The following NELL1 variants were observed in gnomAD, a reference collection of about 807,000 sequenced individuals.
The protein encoded by NELL1 is neural EGFL like 1.
In NELL1, 76 loss-of-function variants were observed where a neutral mutation model predicts 107.4. The ratio of observed to expected loss-of-function variants is 0.71; its 90% CI spans 0.59 to 0.86. The LOEUF (loss-of-function observed/expected upper bound fraction) is 0.86, where lower values mean the gene tolerates loss of function less well. Among genes scored for constraint, NELL1 ranks in the 40% least tolerant of loss-of-function variants. The probability of loss-of-function intolerance (pLI) is 0.00; values close to 1 mark genes in which losing one functional copy is unlikely to be tolerated. For synonymous variants in NELL1, 353 were observed against 341.2 expected, an observed-to-expected ratio of 1.03 and a Z score of -0.38; for missense variants, 1,024 against 1,005.5, an observed-to-expected ratio of 1.02 and a Z score of -0.25.
At chr11:21,463,897 C>T (rs1027429271) in intron 15 of NELL1, among the ~76,000 whole-genome samples, 3 of 152,054 alleles carry the variant, frequency 2.0e-5, no homozygotes, top group Admixed American at 1.3e-4. Context: ...CTGGAATCCT[C>T]GGAAGACTTT....
At chr11:21,569,051 A>G (rs985004431) in intron 17 of NELL1, among the ~76,000 whole-genome samples, 2 of 151,832 alleles carry the variant, frequency 1.3e-5, no homozygotes, top group Non-Finnish European at 2.9e-5. Context: ...TTATACAGGC[A>G]TCATTACAAA....
chr11:21,435,562 A>G (rs1163306646), intron 15 of NELL1, among the ~76,000 whole-genome samples: 1 of 150,160 alleles, frequency 6.7e-6, no homozygotes, highest in Non-Finnish European at 1.5e-5. Flanking sequence ...GTATGAATTG[A>G]GATGATTATA....
At chr11:21,185,366 C>T (rs962474916) in intron 13 of NELL1, among the ~76,000 whole-genome samples, 3 of 145,252 alleles carry the variant, frequency 2.1e-5, no homozygotes, top group South Asian at 2.2e-4. Flanking sequence ...TGCATCTCAG[C>T]TCACTGCAAC....
intron 13 of NELL1, among the ~76,000 whole-genome samples, chr11:21,214,419 A>G (rs182228753): frequency 9.6e-4 from 146 of 152,314 alleles, no homozygotes; most frequent in Non-Finnish European, 1.6e-3. Context: ...TAAAGTGTAG[A>G]TACAGATGGC....
chr11:21,551,686 G>A (rs1856589999), intron 16 of NELL1, among the ~76,000 whole-genome samples: 2 of 151,524 alleles, frequency 1.3e-5, no homozygotes, highest in East Asian at 3.9e-4. Flanking sequence ...TACACTGTTG[G>A]TGGGACTGTA....
intron 2 of NELL1, among the ~76,000 whole-genome samples, chr11:20,732,776 G>A (rs1316032656): frequency 6.6e-6 from 1 of 152,196 alleles, no homozygotes; most frequent in Non-Finnish European, 1.5e-5. Flanking sequence ...GCTGTACAAA[G>A]TTTTAAGTAC....
intron 13 of NELL1, among the ~76,000 whole-genome samples, chr11:21,154,448 C>T (rs757407864): frequency 4.6e-5 from 7 of 152,108 alleles, no homozygotes; most frequent in Admixed American, 1.3e-4. Context: ...ATCCATTAAA[C>T]ATTTATTAAT....
intron 3 of NELL1, among the ~76,000 whole-genome samples, chr11:20,829,961 G>A (rs1857971442): frequency 6.6e-6 from 1 of 152,002 alleles, no homozygotes; most frequent in African/African-American, 2.4e-5. Context: ...TTTTCATTTT[G>A]TAATTAAAGA....
chr11:21,426,555 C>T (rs1256284220), intron 15 of NELL1, among the ~76,000 whole-genome samples: 3 of 152,190 alleles, frequency 2.0e-5, no homozygotes, highest in African/African-American at 7.2e-5. Flanking sequence ...CACATACATT[C>T]TCTTACCTTC....
chr11:21,188,353 A>C (rs1856977349), intron 13 of NELL1, among the ~76,000 whole-genome samples: 1 of 151,798 alleles, frequency 6.6e-6, no homozygotes, highest in African/African-American at 2.4e-5. Flanking sequence ...TCCATTAAGA[A>C]TAACTGCACC....
In NELL1 at chr11:21,203,430, CTTTTTTTT is replaced by C. The variant is rs35689054; in HGVS notation, c.1427-25890_1427-25883del. ...TATCCGTCTAGAATTGCAACCCTTG[CTTTTTTTT>C]TTTTTTTTTTTGGCTTTCAATTTGC... On this transcript the variant is annotated intron_variant, in intron 13 of 19. Coordinates refer to ENST00000357134, the MANE Select transcript of NELL1 (RefSeq NM_006157.5). Among the ~76,000 whole-genome samples, 4 of 101,316 alleles carry C rather than the reference CTTTTTTTT, an allele frequency of 3.9e-5. No homozygotes were observed. The South Asian group carries it at 1.4e-3, about 35-fold the overall frequency. 66.5% of individuals were successfully genotyped at this position (101,316 alleles called of 152,430 possible). A position where few individuals can be genotyped will look rare whatever the true frequency, so the allele number is the denominator to read the frequency against.
At chr11:20,770,252 A>C (rs1227507575) in intron 2 of NELL1, among the ~76,000 whole-genome samples, 16 of 152,212 alleles carry the variant, frequency 1.1e-4, no homozygotes, top group Non-Finnish European at 1.5e-5. Context: ...CGTGAGCTCA[A>C]GGAGCAAGTG....
At chr11:20,904,832 CT>C (rs1434024440) in intron 5 of NELL1, among the ~76,000 whole-genome samples, 1 of 150,682 alleles carries the variant, frequency 6.6e-6, no homozygotes, top group Non-Finnish European at 1.5e-5. Flanking sequence ...TTCTTTCTTT[CT>C]TTTTTCTTCT....
intron 14 of NELL1, among the ~76,000 whole-genome samples, chr11:21,279,141 A>G (rs1292652916): frequency 6.6e-6 from 1 of 152,230 alleles, no homozygotes; most frequent in Non-Finnish European, 1.5e-5. Flanking sequence ...AAAATGGATC[A>G]TAAATGGTAA....
At chr11:20,765,891 A>G (rs1219329367) in intron 2 of NELL1, among the ~76,000 whole-genome samples, 3 of 152,238 alleles carry the variant, frequency 2.0e-5, no homozygotes, top group Non-Finnish European at 4.4e-5. Flanking sequence ...AGTGTTAAGT[A>G]TATTCATGGT....
At chr11:21,237,990 C>T (rs1453882366) in intron 14 of NELL1, among the ~76,000 whole-genome samples, 1 of 152,006 alleles carries the variant, frequency 6.6e-6, no homozygotes, top group Non-Finnish European at 1.5e-5. Context: ...CTGATTTCTC[C>T]AGAGTTATGT....
chr11:20,823,012 G>A (rs1422623415), intron 3 of NELL1, among the ~76,000 whole-genome samples: 2 of 140,646 alleles, frequency 1.4e-5, no homozygotes, highest in East Asian at 3.9e-4. Flanking sequence ...CCAGTGACAA[G>A]GGTCATAAAT....
chr11:21,479,338 C>G (rs774941267), intron 15 of NELL1, among the ~76,000 whole-genome samples: 2 of 151,794 alleles, frequency 1.3e-5, no homozygotes, highest in Non-Finnish European at 2.9e-5. Context: ...CCTATATATA[C>G]TGAAATAGCA....
Position 20,882,348 on chromosome 11 carries a change from T to C in NELL1, c.507-3096T>C, listed in dbSNP as rs1849425514. Among the ~76,000 whole-genome samples, 4 of 152,362 alleles carry C rather than the reference T, an allele frequency of 2.6e-5. No individual in the cohort carries two copies. The South Asian group carries it at 8.3e-4, about 32-fold the overall frequency. On this transcript the variant is annotated intron_variant, in intron 4 of 19. Coordinates refer to ENST00000357134, the MANE Select transcript of NELL1 (RefSeq NM_006157.5). ...CGTATCCTTAGCTAATCGATAACAT[T>C]GTTTTGCATGTGTGAATTTTTAGTT...
Sources: gnomAD v4.1 joint callset for allele counts (sites outside exome capture counted in the v4.1 genomes callset) on GRCh38, gnomAD v4.1.1 for gene constraint, MANE v1.5 for transcripts, NCBI Gene and HGNC (gene_info 2026-07-23, HGNC 2026-07-21) for gene names.